The following ZNF469 variants were observed in gnomAD, a reference collection of about 807,000 sequenced individuals.
The protein encoded by ZNF469 is zinc finger protein 469.
A neutral mutation model predicts 1.0 loss-of-function variants in ZNF469; 1 was observed. That is an observed-to-expected ratio of 1.00 (90% CI 0.35 to 4.73). ZNF469 has a LOEUF of 4.73. ZNF469 is among the 30% of genes most tolerant of loss of function. ZNF469 has a pLI of 0.16. For synonymous variants in ZNF469, 2,703 were observed against 2,363.4 expected (o/e 1.14, Z -4.17); for missense variants, 6,100 against 5,356.3 (o/e 1.14, Z -4.33).
the ZNF469 span, among the ~76,000 whole-genome samples, chr16:88,248,535 A>G: frequency 3.5e-4 from 53 of 152,332 alleles, 2 homozygotes; most frequent in East Asian, 5.0e-3. Context: ...CCTGTCTCAA[A>G]AAAACAATTC....
At chr16:88,262,902 C>T in the ZNF469 span, among the ~76,000 whole-genome samples, 2 of 152,170 alleles carry the variant, frequency 1.3e-5, no homozygotes, top group Non-Finnish European at 2.9e-5. The surrounding 1 kb of genome is among the most constrained non-coding windows in gnomAD (Gnocchi z 4.3). Context: ...GGCGTGACCC[C>T]CACACAGCCT....
At chr16:88,116,170 G>T in the ZNF469 span, among the ~76,000 whole-genome samples, 6 of 152,206 alleles carry the variant, frequency 3.9e-5, no homozygotes, top group Non-Finnish European at 8.8e-5. Flanking sequence ...GGCAAGATGT[G>T]GGGGGTGCTC....
chr16:88,427,812 CA>C lies in ZNF469; in HGVS notation c.343del (p.Ser115AlafsTer231). The C allele has an allele frequency of 6.5e-7, 1 of 1,548,060 alleles. No homozygotes were observed. Among genetic ancestry groups the C allele is most frequent in the Non-Finnish European group, 8.7e-7 (1 of 1,146,788 alleles). On this transcript the variant is annotated frameshift_variant, in exon 3 of 3. Coordinates refer to ENST00000565624, the MANE Select transcript of ZNF469 (RefSeq NM_001367624.2). LOFTEE classifies it low-confidence loss of function (END_TRUNC). ...CAAGGCTGGCGGGCAGGGCAGAGGG[CA>C]GCCCCCCACAGCGCTACATTCTGGG... The part of the protein sequence containing the change: ...PSRLAGRAEG[S>X]PPQRYILGIA...
In ZNF469 at chr16:88,430,406, G is replaced by A. The variant is rs990533400; in HGVS notation, c.2936G>A (p.Arg979Lys). The stretch of plus-strand genomic sequence containing the variant: ...GGCGGCGGCAGAGCCTCCGGCCTGA[G>A]GCCCCGGAGGAACGACGGTCTCGGG... ...SGGGGRASGLRPRRNDGLGER... is the reference protein window; with the variant it reads ...SGGGGRASGLKPRRNDGLGER... Residue 979 changes from arginine (R) to lysine (K), a missense_variant, in exon 3 of 3, where the codon AGG becomes AAG. Coordinates refer to ENST00000565624, the MANE Select transcript of ZNF469 (RefSeq NM_001367624.2). 5 of 1,520,474 alleles carry A rather than the reference G, an allele frequency of 3.3e-6. No individual in the cohort carries two copies. The African/African-American group carries it at 6.9e-5, about 21-fold the overall frequency. The allele number at this position is 1,520,474 out of a possible 1,614,324, so 94.2% of individuals were successfully genotyped here.
chr16:88,393,240 C>G (rs942842528), intron 1 of ZNF469, among the ~76,000 whole-genome samples: 11 of 152,270 alleles, frequency 7.2e-5, no homozygotes. Flanking sequence ...AGCGGCCCTC[C>G]GTGCCCGGCC....
chr16:88,305,668 AC>A, the ZNF469 span, among the ~76,000 whole-genome samples: 1 of 151,110 alleles, frequency 6.6e-6, no homozygotes, highest in Non-Finnish European at 1.5e-5. Flanking sequence ...ACCTTCACAT[AC>A]ACACACATGC....
chr16:88,427,469 C>T lies in ZNF469; in HGVS notation c.-2C>T, dbSNP rs1048563743. The T allele has an allele frequency of 2.5e-5, 37 of 1,506,396 alleles. No homozygotes were observed. In the East Asian group the frequency reaches 4.0e-4, roughly 16 times the overall value. 93.3% of individuals were successfully genotyped at this position (1,506,396 alleles called of 1,614,324 possible). On this transcript the variant is annotated 5_prime_UTR_variant, in exon 3 of 3. Transcript: ENST00000565624. ...TCGTCCTAGCGCCAGGACGGAGGGG[C>T]CATGCCTGGGGAGCGCCCCCGAGGA...
In ZNF469 at chr16:88,430,325, A is replaced by G; in HGVS notation, c.2855A>G (p.Lys952Arg). ...CAGCAGAGGAGGGGGAAGCAGTTGA[A>G]GCTGTTCCGGAAGGATCTGGACTCG... is the stretch of plus-strand genomic sequence containing the variant. Reference protein sequence around the residue: ...GRQQRRGKQLKLFRKDLDSGG... With the variant: ...GRQQRRGKQLRLFRKDLDSGG... Residue 952 changes from lysine to arginine, a missense_variant, in exon 3 of 3, where the codon AAG becomes AGG. Transcript: ENST00000565624. 1 of 1,515,114 alleles carries G rather than the reference A, an allele frequency of 6.6e-7. No homozygotes were observed. The allele number at this position is 1,515,114 out of a possible 1,614,324, so 93.9% of individuals were successfully genotyped here. A position where few individuals can be genotyped will look rare whatever the true frequency, so the allele number is the denominator to read the frequency against.
At chr16:88,272,313 G>A in the ZNF469 span, among the ~76,000 whole-genome samples, 10 of 122,264 alleles carry the variant, frequency 8.2e-5, no homozygotes. Flanking sequence ...GTGGGAGGAT[G>A]TATGCATGCT....
At chr16:88,120,054 G>T in the ZNF469 span, among the ~76,000 whole-genome samples, 2 of 152,186 alleles carry the variant, frequency 1.3e-5, no homozygotes, top group African/African-American at 2.4e-5. Flanking sequence ...CCCCAAGTCC[G>T]CCTGGGAGGG....
At chr16:88,131,045 C>A in the ZNF469 span, among the ~76,000 whole-genome samples, 1 of 152,236 alleles carries the variant, frequency 6.6e-6, no homozygotes, top group African/African-American at 2.4e-5. Context: ...GCGCGGCGTT[C>A]GCCTGGCATT....
the ZNF469 span, among the ~76,000 whole-genome samples, chr16:88,233,057 G>A: frequency 3.3e-5 from 5 of 152,284 alleles, no homozygotes; most frequent in East Asian, 3.9e-4. Flanking sequence ...CCCACGGCCC[G>A]GGGGAGCCTC....
In ZNF469 at chr16:88,396,580, CCTGAAGGGAGGCCGGGCGGAGACCCAT is replaced by C. The variant is rs1181739303; in HGVS notation, c.-192+13343_-192+13369del. 4.9e-5 allele frequency among the ~76,000 whole-genome samples: 7 copies of C among 142,772 alleles called. No individual in the cohort carries two copies. In the East Asian group the frequency reaches 1.5e-3, roughly 30 times the overall value. The allele number at this position is 142,772 out of a possible 152,430, so 93.7% of individuals were successfully genotyped here. ...TGAAGGGAGGCCAGATGGAGACCCTCCTGAAGGGAGGCCGGGCGGAGACCCATCTGAAGGGAGGCCGGGAGGAGACCC... is the reference window on the plus strand; with the variant it reads ...TGAAGGGAGGCCAGATGGAGACCCTCCTGAAGGGAGGCCGGGAGGAGACCC... On this transcript the variant is annotated intron_variant, in intron 1 of 2. Transcript: ENST00000565624.
chr16:88,281,558 C>T, the ZNF469 span, among the ~76,000 whole-genome samples: 2 of 149,978 alleles, frequency 1.3e-5, no homozygotes, highest in East Asian at 2.0e-4. Flanking sequence ...CAGGTTAGTG[C>T]TGTGCCACAC....
the ZNF469 span, among the ~76,000 whole-genome samples, chr16:88,361,705 T>C: frequency 1.7e-4 from 26 of 152,308 alleles, no homozygotes; most frequent in Middle Eastern, 0.017. Context: ...TTTCTTTTTT[T>C]TTTCGTTGAA....
At chr16:88,372,278 T>TCACCATCACTACCATTACCATCAC in the ZNF469 span, among the ~76,000 whole-genome samples, 681 of 5,576 alleles carry the variant, frequency 0.12, 7 homozygotes, top group East Asian at 0.14. Flanking sequence ...ATCACCATCA[T>TCACCATCACTACCATTACCATCAC]CACCATCACT....
the ZNF469 span, among the ~76,000 whole-genome samples, chr16:88,203,610 T>C: frequency 6.6e-6 from 1 of 151,326 alleles, no homozygotes; most frequent in Admixed American, 6.6e-5. Context: ...GCCTGGGGGG[T>C]CTCCCGGGGA....
At chr16:88,341,798 C>A in the ZNF469 span, among the ~76,000 whole-genome samples, 2 of 151,928 alleles carry the variant, frequency 1.3e-5, no homozygotes, top group Non-Finnish European at 2.9e-5. Flanking sequence ...GGCTGCCATG[C>A]CCAGTGGGGG....
At chr16:88,423,321 A>G (rs1905567198) in intron 1 of ZNF469, among the ~76,000 whole-genome samples, 1 of 143,866 alleles carries the variant, frequency 7.0e-6, no homozygotes, top group Non-Finnish European at 1.5e-5. Context: ...ATACATGAAC[A>G]GATGGATGGG....
Sources: allele counts gnomAD v4.1 joint callset (sites outside exome capture counted in the v4.1 genomes callset), GRCh38; gene constraint gnomAD v4.1.1; non-coding constraint Gnocchi (gnomAD v3.1); transcripts MANE v1.5; gene names NCBI Gene and HGNC (gene_info 2026-07-23, HGNC 2026-07-21).